Variants in USP53 observed in about 807,000 individuals in gnomAD.
USP53 encodes the protein ubiquitin specific peptidase 53, also known as ubiquitin carboxyl-terminal hydrolase 53.
In USP53, 71 loss-of-function variants were observed where a neutral mutation model predicts 94.9. The ratio of observed to expected loss-of-function variants is 0.75; its 90% CI spans 0.62 to 0.91. The LOEUF is 0.91. Ranked by LOEUF, USP53 falls within the 40% of genes least tolerant of loss-of-function variation. The probability of loss-of-function intolerance (pLI) is 0.00; values close to 1 mark genes in which losing one functional copy is unlikely to be tolerated. For missense variants in USP53, 1,173 were observed against 1,281.0 expected, an observed-to-expected ratio of 0.92 and a Z score of 1.29; for synonymous variants, 375 against 422.7, an observed-to-expected ratio of 0.89 and a Z score of 1.39.
chr4:119,261,689 T>C, intron 11 of USP53, 26 bp from the exon 12 acceptor site: 2 of 1,542,982 alleles, frequency 1.3e-6, no homozygotes, highest in Non-Finnish European at 1.8e-6. Flanking sequence ...TAGTGTTAAG[T>C]GTACATTACC....
At chr4:119,218,098 T>A (rs542889413) in intron 3 of USP53, 1 of 152,298 alleles carries the variant, frequency 6.6e-6, no homozygotes, top group South Asian at 2.1e-4. Flanking sequence ...AGACTAGAAT[T>A]GTTGAAGTGG....
At chr4:119,278,243 T>G (rs1215115433) in intron 17 of USP53, among the ~76,000 whole-genome samples, 1 of 151,150 alleles carries the variant, frequency 6.6e-6, no homozygotes, top group Admixed American at 6.6e-5. Context: ...TGGTACCGGT[T>G]GTTCCTTTCC....
intron 6 of USP53, among the ~76,000 whole-genome samples, chr4:119,247,270 CA>C (rs898057949): frequency 6.6e-6 from 1 of 152,152 alleles, no homozygotes; most frequent in African/African-American, 2.4e-5. Flanking sequence ...CACACATAAA[CA>C]CATTGCATTT....
intron 7 of USP53, among the ~76,000 whole-genome samples, chr4:119,252,931 G>A (rs1387730584): frequency 6.6e-6 from 1 of 152,064 alleles, no homozygotes; most frequent in East Asian, 1.9e-4. Flanking sequence ...TGGGTACATT[G>A]TGTCTTTGTT....
Position 119,248,835 on chromosome 4 carries a change from G to T in USP53, c.325G>T (p.Glu109Ter). 1 of 1,614,130 alleles carries T rather than the reference G, an allele frequency of 6.2e-7. No homozygotes were observed. The highest frequency in any genetic ancestry group is 8.5e-7 in the Non-Finnish European group (1 of 1,180,014). ...RHALAESFKD[E>*]QRFQLGLMDD... ...TGCTCTTGCAGAAAGTTTCAAAGAT[G>T]AGCAGCGATTTCAACTTGGCCTTAT... Residue 109 changes from glutamate to a stop codon, truncating the protein, a stop_gained, in exon 7 of 19, where the codon GAG becomes TAG. Coordinates refer to ENST00000692078, the MANE Select transcript of USP53 (RefSeq NM_001371395.1). LOFTEE classifies it high-confidence loss of function.
rs1295637771 is a variant in USP53 at position 119,239,621 on chromosome 4, A to G, written c.-139A>G. The G allele has an allele frequency of 2.0e-6, 2 of 997,252 alleles. No individual in the cohort carries two copies. Among genetic ancestry groups the G allele is most frequent in the Non-Finnish European group, 2.8e-6 (2 of 708,424 alleles). The allele number at this position is 997,252 out of a possible 1,614,324, so 61.8% of individuals were successfully genotyped here. A position where few individuals can be genotyped will look rare whatever the true frequency, so the allele number is the denominator to read the frequency against. Reference sequence around the variant, plus strand: ...TTAAGAGTTTATAACATCAGGAAAGATATGGACTTGGAAACTTACATTATT... The same window carrying G: ...TTAAGAGTTTATAACATCAGGAAAGGTATGGACTTGGAAACTTACATTATT... On this transcript the variant is annotated 5_prime_UTR_variant, in exon 5 of 19. Coordinates refer to ENST00000692078, the MANE Select transcript of USP53 (RefSeq NM_001371395.1).
At chr4:119,275,125 G>T (rs1212287012) in intron 17 of USP53, among the ~76,000 whole-genome samples, 3 of 55,012 alleles carry the variant, frequency 5.5e-5, no homozygotes, top group East Asian at 4.9e-4. Flanking sequence ...GTCAATTTTG[G>T]CTTTTGTTGC....
In USP53 at chr4:119,295,047, TTTTC is replaced by T. The variant is rs1755129410; in HGVS notation, c.*1838_*1841del. 2.6e-5 allele frequency: 4 copies of T among 152,132 alleles called. No individual in the cohort carries two copies. The allele number at this position is 152,132 out of a possible 1,614,324, so 9.4% of individuals were successfully genotyped here. On this transcript the variant is annotated 3_prime_UTR_variant, in exon 19 of 19. Coordinates refer to ENST00000692078, the MANE Select transcript of USP53 (RefSeq NM_001371395.1). ...GCTTTCACAGTTTGTGTAGTTTTTT[TTTTC>T]TATTTGGTTAAGATGTGAGTTGGAA... is the stretch of plus-strand genomic sequence containing the variant.
At chr4:119,290,287 G>A (rs1754603201) in intron 17 of USP53, among the ~76,000 whole-genome samples, 3 of 152,120 alleles carry the variant, frequency 2.0e-5, no homozygotes, top group Admixed American at 2.0e-4. Context: ...AAGTCACACT[G>A]TAAATTAGTA....
At chr4:119,232,146 C>T (rs1746160301) in intron 3 of USP53, among the ~76,000 whole-genome samples, 1 of 152,134 alleles carries the variant, frequency 6.6e-6, no homozygotes, top group Non-Finnish European at 1.5e-5. Context: ...AATCACATGC[C>T]ATGCAATTCA....
In USP53 at chr4:119,239,808, G is replaced by A. The variant is rs753889712; in HGVS notation, c.49G>A (p.Val17Ile). Reference protein sequence around the residue: ...LRKPGGNLGKVYQPGSMLSLA... With the variant: ...LRKPGGNLGKIYQPGSMLSLA... The stretch of plus-strand genomic sequence containing the variant: ...GAAACCTGGTGGCAATCTTGGAAAA[G>A]TTTATCAGCCTGGAAGTATGCTATC... The change falls in exon 5 of 19, where the codon GTT becomes ATT. Residue 17 changes from valine (V) to isoleucine (I), a missense_variant. Transcript: ENST00000692078. 4.3e-6 allele frequency: 7 copies of A among 1,612,110 alleles called. No homozygotes were observed. The highest frequency in any genetic ancestry group is 1.1e-5 in the South Asian group (1 of 90,580).
intron 2 of USP53, among the ~76,000 whole-genome samples, chr4:119,216,809 A>AAGTT (rs1743829892): frequency 6.6e-6 from 1 of 152,176 alleles, no homozygotes; most frequent in Admixed American, 6.5e-5. Flanking sequence ...TAAGTTTAAT[A>AAGTT]TATCAGTTTA....
At chr4:119,232,038 C>T (rs1746147222) in intron 3 of USP53, among the ~76,000 whole-genome samples, 1 of 152,138 alleles carries the variant, frequency 6.6e-6, no homozygotes, top group Admixed American at 6.5e-5. Flanking sequence ...TCCCAAAGGT[C>T]AGCCCTGCAA....
At chr4:119,276,233 G>T (rs1162432370) in intron 17 of USP53, among the ~76,000 whole-genome samples, 3 of 138,078 alleles carry the variant, frequency 2.2e-5, no homozygotes, top group African/African-American at 5.3e-5. Flanking sequence ...TTGGCTGTGG[G>T]TTTGTCATAG....
At chr4:119,228,891 A>G (rs1402282800) in intron 3 of USP53, among the ~76,000 whole-genome samples, 1 of 152,224 alleles carries the variant, frequency 6.6e-6, no homozygotes, top group East Asian at 1.9e-4. Flanking sequence ...TAAAATATAA[A>G]TAGAAAAAGT....
intron 3 of USP53, among the ~76,000 whole-genome samples, chr4:119,228,822 C>T (rs1157742571): frequency 1.3e-5 from 2 of 152,112 alleles, no homozygotes; most frequent in Non-Finnish European, 2.9e-5. Context: ...TTAGCTGTCA[C>T]TGAGATACTA....
At chr4:119,238,993 C>T (rs1032854952) in intron 4 of USP53, among the ~76,000 whole-genome samples, 2 of 151,920 alleles carry the variant, frequency 1.3e-5, no homozygotes, top group African/African-American at 4.8e-5. Context: ...CTTAGGAAAC[C>T]ATCTTTTGAA....
At chr4:119,282,971 A>G (rs560055962) in intron 17 of USP53, among the ~76,000 whole-genome samples, 4 of 152,138 alleles carry the variant, frequency 2.6e-5, no homozygotes, top group Admixed American at 1.3e-4. Context: ...ATATTAGTCT[A>G]TGCAAGTATA....
At chr4:119,217,099 T>A (rs1347278593) in intron 2 of USP53, among the ~76,000 whole-genome samples, 2 of 152,170 alleles carry the variant, frequency 1.3e-5, no homozygotes, top group African/African-American at 4.8e-5. Flanking sequence ...AAACTTTATA[T>A]CAGAGGAGGA....
Sources: gnomAD v4.1 joint callset for allele counts (sites outside exome capture counted in the v4.1 genomes callset) on GRCh38, gnomAD v4.1.1 for gene constraint, MANE v1.5 for transcripts, NCBI Gene and HGNC (gene_info 2026-07-23, HGNC 2026-07-21) for gene names.